Variants in SPDEF observed in about 807,000 individuals in gnomAD.
The protein encoded by SPDEF is SAM pointed domain-containing Ets transcription factor.
In SPDEF, 12 loss-of-function variants were observed where a neutral mutation model predicts 36.0. The observed-to-expected ratio is 0.33, with a 90% CI of 0.21 to 0.54. The LOEUF is 0.54. SPDEF is among the 20% of genes least tolerant of loss of function. The pLI, the probability that SPDEF is intolerant of heterozygous loss-of-function variation, is 0.93. For synonymous variants in SPDEF, 205 were observed against 193.0 expected, an observed-to-expected ratio of 1.06 and a Z score of -0.51; for missense variants, 388 against 456.9, an observed-to-expected ratio of 0.85 and a Z score of 1.37.
In SPDEF at chr6:34,539,400, G is replaced by A. The variant is rs1767767334; in HGVS notation, c.683-4C>T. On this transcript the variant is annotated splice_region_variant and splice_polypyrimidine_tract_variant and intron_variant, in intron 4 of 5. Coordinates refer to ENST00000374037, the MANE Select transcript of SPDEF (RefSeq NM_012391.3). This position sits in a 1 kb window ranked among gnomAD's most constrained non-coding sequence, Gnocchi z 5.2. ...CAGCTCTCCTCACTGGTCGAGGCTG[G>A]GTGGCCAGGGAGGGTGGCGGTGAGT... 1 of 1,613,472 alleles carries A rather than the reference G, an allele frequency of 6.2e-7. No individual in the cohort carries two copies. Among genetic ancestry groups the A allele is most frequent in the Non-Finnish European group, 8.5e-7 (1 of 1,179,974 alleles).
Position 34,555,490 on chromosome 6 carries a change from GC to G in SPDEF, c.-30+438del, listed in dbSNP as rs1768149023. Among the ~76,000 whole-genome samples, 1 of 152,180 alleles carries G rather than the reference GC, an allele frequency of 6.6e-6. No homozygotes were observed. The highest frequency in any genetic ancestry group is 1.5e-5 in the Non-Finnish European group (1 of 68,022). On this transcript the variant is annotated intron_variant, in intron 1 of 5. Coordinates refer to ENST00000374037, the MANE Select transcript of SPDEF (RefSeq NM_012391.3). The surrounding 1 kb of genome is among the most constrained non-coding windows in gnomAD (Gnocchi z 5.2). ...GCCCTGACCCATCAAGCTCCAGCAAGCCCCTGCCCACTGGTGGCCTGGCACC... is the reference window on the plus strand; with the variant it reads ...GCCCTGACCCATCAAGCTCCAGCAAGCCCTGCCCACTGGTGGCCTGGCACC...
chr6:34,543,929 G>A, intron 2 of SPDEF, 91 bp downstream of exon 2: 12 of 1,310,206 alleles, frequency 9.2e-6, no homozygotes, highest in Non-Finnish European at 1.1e-5. Context: ...GAGGTGGCCA[G>A]AGTCCATCCA....
chr6:34,543,889 G>A, intron 2 of SPDEF, 131 bp downstream of exon 2: 2 of 827,726 alleles, frequency 2.4e-6, no homozygotes, highest in Non-Finnish European at 3.7e-6. Context: ...AGAAGTGCCA[G>A]CATCCCCAAA....
intron 3 of SPDEF, among the ~76,000 whole-genome samples, chr6:34,540,627 A>T (rs186966571): frequency 8.8e-4 from 128 of 145,294 alleles, no homozygotes; most frequent in African/African-American, 2.7e-3. Context: ...CTTCTTTAAT[A>T]AAAAAAAACA....
At chr6:34,547,152 C>G (rs3798552) in intron 1 of SPDEF, among the ~76,000 whole-genome samples, 44 of 152,088 alleles carry the variant, frequency 2.9e-4, no homozygotes, top group African/African-American at 9.9e-4. Flanking sequence ...AAGCAGAACT[C>G]GCTTCCCTTG....
At chr6:34,542,563 C>A (rs1162621386) in intron 2 of SPDEF, among the ~76,000 whole-genome samples, 3 of 152,234 alleles carry the variant, frequency 2.0e-5, no homozygotes, top group Non-Finnish European at 4.4e-5. Flanking sequence ...CCACTCAATT[C>A]CCCCGTCCTA....
At chr6:34,550,067 G>C (rs1768027841) in intron 1 of SPDEF, among the ~76,000 whole-genome samples, 1 of 152,172 alleles carries the variant, frequency 6.6e-6, no homozygotes, top group Non-Finnish European at 1.5e-5. Context: ...AGAAAAGCTG[G>C]GCTACCCAGG....
At chr6:34,547,073 C>T (rs534117222) in intron 1 of SPDEF, among the ~76,000 whole-genome samples, 1 of 151,290 alleles carries the variant, frequency 6.6e-6, no homozygotes, top group African/African-American at 2.4e-5. Context: ...AGCCCCCATG[C>T]CTGCCACGTT....
chr6:34,540,305 A>G (rs1474824861), intron 3 of SPDEF, among the ~76,000 whole-genome samples: 1 of 152,092 alleles, frequency 6.6e-6, no homozygotes, highest in Non-Finnish European at 1.5e-5. Context: ...GTCTCAAAAA[A>G]CAAAAACTAA....
At chr6:34,546,382 AG>A (rs1274133818) in intron 1 of SPDEF, among the ~76,000 whole-genome samples, 1 of 151,938 alleles carries the variant, frequency 6.6e-6, no homozygotes, top group East Asian at 1.9e-4. Flanking sequence ...CAGGAGGGGA[AG>A]GGGGCTCCCT....
Position 34,539,167 on chromosome 6 carries a change from GC to G in SPDEF, c.829+82del, listed in dbSNP as rs956186242. The G allele has an allele frequency of 2.6e-6, 4 of 1,511,628 alleles. No homozygotes were observed. Among genetic ancestry groups the G allele is most frequent in the Non-Finnish European group, 2.7e-6 (3 of 1,107,932 alleles). The allele number at this position is 1,511,628 out of a possible 1,614,324, so 93.6% of individuals were successfully genotyped here. ...CAGCTTCACCCCTCTGCCCGCCCCT[GC>G]CCCCATGCACCGTGCCTGGCAGAAG... On this transcript the variant is annotated intron_variant, in intron 5 of 5. Transcript: ENST00000374037. This position sits in a 1 kb window ranked among gnomAD's most constrained non-coding sequence, Gnocchi z 5.2.
Position 34,540,528 on chromosome 6 carries a change from G to A in SPDEF, c.634+456C>T, listed in dbSNP as rs374544575. On this transcript the variant is annotated intron_variant, in intron 3 of 5. Coordinates refer to ENST00000374037, the MANE Select transcript of SPDEF (RefSeq NM_012391.3). Reference sequence around the variant, plus strand: ...AGTGGTTCCCTCTAGGGAGGGGATTGGAAGCTGGGGGTCGGGAGCGGGAGG... The same window carrying A: ...AGTGGTTCCCTCTAGGGAGGGGATTAGAAGCTGGGGGTCGGGAGCGGGAGG... Among the ~76,000 whole-genome samples, 4 of 152,006 alleles carry A rather than the reference G, an allele frequency of 2.6e-5. No individual in the cohort carries two copies. The East Asian group carries it at 5.8e-4, about 22-fold the overall frequency.
intron 1 of SPDEF, among the ~76,000 whole-genome samples, chr6:34,549,910 C>T (rs942300902): frequency 2.0e-5 from 3 of 152,204 alleles, no homozygotes; most frequent in African/African-American, 7.2e-5. Flanking sequence ...ACTGAGCTGT[C>T]TGTCAGCCCC....
Position 34,538,284 on chromosome 6 carries a change from T to A in SPDEF, c.998A>T (p.His333Leu), listed in dbSNP as rs750996634. The change falls in exon 6 of 6, where the codon CAC becomes CTC. Residue 333 changes from histidine (H) to leucine (L), a missense_variant. Physicochemically the swap from His to Leu is moderately conservative, Grantham distance 99 (BLOSUM62 -3). Around this residue, in one of 2 missense-constraint regions of SPDEF, gnomAD observed 80 missense variants for 130.8 expected, o/e 0.61. Transcript: ENST00000374037. The surrounding 1 kb of genome is among the most constrained non-coding windows in gnomAD (Gnocchi z 5.9). ...CCCTGGGCCAGGCACTCAGATGGGG[T>A]GCACGAACTGGTAGACGAGGCGCTG... The part of the protein sequence containing the change: ...ISQRLVYQFV[H>L]PI 6.2e-7 allele frequency: 1 copy of A among 1,613,372 alleles called. No individual in the cohort carries two copies. Among genetic ancestry groups the A allele is most frequent in the Non-Finnish European group, 8.5e-7 (1 of 1,179,536 alleles).
intron 1 of SPDEF, among the ~76,000 whole-genome samples, chr6:34,553,653 T>G: frequency 2.0e-5 from 3 of 150,828 alleles, no homozygotes; most frequent in East Asian, 1.9e-4. Context: ...TGGGCACAGG[T>G]GAGGGGATCA....
rs370417875 is a variant in SPDEF at position 34,539,217 on chromosome 6, G to A, written c.829+33C>T. On this transcript the variant is annotated intron_variant, in intron 5 of 5. Transcript: ENST00000374037. The surrounding 1 kb of genome is among the most constrained non-coding windows in gnomAD (Gnocchi z 5.2). ...AGCCCCCACAACCTCCATGCTCACT[G>A]GCCCTGCAGCGCCCCTTGGGCACCC... The A allele has an allele frequency of 2.0e-4, 329 of 1,610,508 alleles. No homozygotes were observed. The highest frequency in any genetic ancestry group is 2.5e-4 in the Non-Finnish European group (298 of 1,178,278).
Position 34,539,236 on chromosome 6 carries a change from G to A in SPDEF, c.829+14C>T. 1 of 1,613,196 alleles carries A rather than the reference G, an allele frequency of 6.2e-7. No homozygotes were observed. Among genetic ancestry groups the A allele is most frequent in the Non-Finnish European group, 8.5e-7 (1 of 1,179,752 alleles). On this transcript the variant is annotated intron_variant, in intron 5 of 5. Transcript: ENST00000374037. The surrounding 1 kb of genome is among the most constrained non-coding windows in gnomAD (Gnocchi z 5.2). ...CTCACTGGCCCTGCAGCGCCCCTTG[G>A]GCACCCTGCTCACCCTTCTCCTTGT... is the stretch of plus-strand genomic sequence containing the variant.
chr6:34,541,002 G>C lies in SPDEF; in HGVS notation c.616C>G (p.Leu206Val), dbSNP rs1264913013. 6.2e-7 allele frequency: 1 copy of C among 1,611,158 alleles called. No individual in the cohort carries two copies. The highest frequency in any genetic ancestry group is 8.5e-7 in the Non-Finnish European group (1 of 1,179,510). The change falls in exon 3 of 6, where the codon CTG (leucine) becomes GTG (valine). Residue 206 changes from leucine (L) to valine (V), a missense_variant. Coordinates refer to ENST00000374037, the MANE Select transcript of SPDEF (RefSeq NM_012391.3). The stretch of plus-strand genomic sequence containing the variant: ...ATCCTACCTGACTTCCAGATGTCCA[G>C]GTGGGCGTGCAGCACATCCCCACCC... The part of the protein sequence containing the change: ...PLGGDVLHAH[L>V]DIWKSAAWMK...
At chr6:34,543,925 G>A in intron 2 of SPDEF, 95 bp downstream of exon 2, 4 of 1,264,646 alleles carry the variant, frequency 3.2e-6, no homozygotes, top group Non-Finnish European at 4.4e-6. Context: ...GCCAGAGGTG[G>A]CCAGAGTCCA....
Sources: allele counts gnomAD v4.1 joint callset (sites outside exome capture counted in the v4.1 genomes callset), GRCh38; gene constraint gnomAD v4.1.1; regional missense constraint gnomAD v4.1.1; non-coding constraint Gnocchi (gnomAD v3.1); transcripts MANE v1.5; gene names NCBI Gene and HGNC (gene_info 2026-07-23, HGNC 2026-07-21).